C6orf163: variants seen among roughly 807,000 people sequenced by gnomAD.
C6orf163 encodes chromosome 6 open reading frame 163, also known as uncharacterized protein C6orf163.
In C6orf163, 22 loss-of-function variants were observed where a neutral mutation model predicts 28.4. The observed-to-expected ratio is 0.78, with a 90% CI of 0.55 to 1.11. C6orf163 has a LOEUF of 1.11. Among genes scored for constraint, C6orf163 ranks in the 50% least tolerant of loss-of-function variants. The probability of loss-of-function intolerance (pLI) is 0.00; values close to 1 mark genes in which losing one functional copy is unlikely to be tolerated. For synonymous variants in C6orf163, 110 were observed against 123.6 expected, an observed-to-expected ratio of 0.89 and a Z score of 0.73; for missense variants, 342 against 389.1, an observed-to-expected ratio of 0.88 and a Z score of 1.02.
Position 87,365,238 on chromosome 6 carries a change from C to G in C6orf163, c.832C>G (p.Leu278Val). ...AATCATGACAAATTGGAAAGATTTC[C>G]TAGAGGAGGAATTACAGGAAACCAG... The part of the protein sequence containing the change: ...LGIMTNWKDF[L>V]EEELQETRMA... The change falls in exon 5 of 5, where the codon CTA (leucine) becomes GTA (valine). Residue 278 changes from leucine to valine, a missense_variant. By Grantham distance (32) the Leu-to-Val change is conservative. Coordinates refer to ENST00000388923, the MANE Select transcript of C6orf163 (RefSeq NM_001010868.3). 6.4e-7 allele frequency: 1 copy of G among 1,551,548 alleles called. No individual in the cohort carries two copies. Among genetic ancestry groups the G allele is most frequent in the Non-Finnish European group, 8.7e-7 (1 of 1,146,904 alleles).
intron 3 of C6orf163, among the ~76,000 whole-genome samples, chr6:87,351,233 G>A (rs71572751): frequency 4.5e-4 from 69 of 152,356 alleles, no homozygotes; most frequent in Non-Finnish European, 6.6e-4. Context: ...TTTTGGTCAA[G>A]GGAGGGACAG....
intron 4 of C6orf163, among the ~76,000 whole-genome samples, chr6:87,361,830 A>G (rs1777584536): frequency 1.3e-5 from 2 of 152,046 alleles, no homozygotes; most frequent in Non-Finnish European, 2.9e-5. Flanking sequence ...TGACTTTTTA[A>G]TATTTCCTAG....
At chr6:87,347,738 C>T in intron 1 of C6orf163, 1 of 985,520 alleles carries the variant, frequency 1.0e-6, no homozygotes, top group South Asian at 4.7e-5. Context: ...TCAATCTGTC[C>T]ATGCTTACCC....
chr6:87,345,243 A>G lies in C6orf163; in HGVS notation c.144A>G (p.Ile48Met), dbSNP rs941394435. 2 of 1,520,120 alleles carry G rather than the reference A, an allele frequency of 1.3e-6. No individual in the cohort carries two copies. The highest frequency in any genetic ancestry group is 1.8e-6 in the Non-Finnish European group (2 of 1,142,322). The allele number at this position is 1,520,120 out of a possible 1,614,324, so 94.2% of individuals were successfully genotyped here. A position where few individuals can be genotyped will look rare whatever the true frequency, so the allele number is the denominator to read the frequency against. ...LKTRFYTHKD[I>M]LDIGANILKK... ...CACGCTTTTACACTCACAAAGACATACTAGGTAAGTGACTTTATCGTTTTC... is the reference window on the plus strand; with the variant it reads ...CACGCTTTTACACTCACAAAGACATGCTAGGTAAGTGACTTTATCGTTTTC... The change falls in exon 1 of 5, where the codon ATA becomes ATG. Residue 48 changes from isoleucine to methionine, a missense_variant. Physicochemically the swap from Ile to Met is conservative, Grantham distance 10. Transcript: ENST00000388923.
chr6:87,348,526 A>G, intron 1 of C6orf163: 5 of 1,147,164 alleles, frequency 4.4e-6, no homozygotes, highest in Non-Finnish European at 4.3e-6. Flanking sequence ...TGTACAAAAT[A>G]TGTCCCTTTC....
intron 1 of C6orf163, among the ~76,000 whole-genome samples, chr6:87,345,629 A>G (rs1168180560): frequency 6.6e-6 from 1 of 152,114 alleles, no homozygotes; most frequent in Admixed American, 6.6e-5. Flanking sequence ...TCTCTAAATA[A>G]CACCCTAATT....
In C6orf163 at chr6:87,365,325, T is replaced by C. The variant is rs1291779107; in HGVS notation, c.919T>C (p.Phe307Leu). The change falls in exon 5 of 5, where the codon TTT becomes CTT. Residue 307 changes from phenylalanine (F) to leucine (L), a missense_variant. Coordinates refer to ENST00000388923, the MANE Select transcript of C6orf163 (RefSeq NM_001010868.3). ...TAAGCTTTCACCAGGACATGCAGAT[T>C]TTATTCTGCCAGAAAGAAAGAAAAC... Reference protein sequence around the residue: ...FPKLSPGHADFILPERKKTPS... With the variant: ...FPKLSPGHADLILPERKKTPS... 3.9e-6 allele frequency: 6 copies of C among 1,551,546 alleles called. No individual in the cohort carries two copies. In the South Asian group the frequency reaches 7.1e-5, roughly 18 times the overall value.
chr6:87,363,783 T>C (rs1777610986), intron 4 of C6orf163, among the ~76,000 whole-genome samples: 1 of 152,168 alleles, frequency 6.6e-6, no homozygotes, highest in South Asian at 2.1e-4. Context: ...TCTTTGCTAT[T>C]GTGAATAGTG....
At chr6:87,358,028 A>T (rs1777531580) in intron 4 of C6orf163, 1 of 152,216 alleles carries the variant, frequency 6.6e-6, no homozygotes, top group East Asian at 1.9e-4. Flanking sequence ...AATTTCTTCC[A>T]ATTAGTCGAA....
At position 87,365,176 on chromosome 6, in the gene C6orf163, C is replaced by A; in HGVS notation, c.770C>A (p.Thr257Asn). The change falls in exon 5 of 5, where the codon ACC becomes AAC. Residue 257 changes from threonine (T) to asparagine (N), a missense_variant. Coordinates refer to ENST00000388923, the MANE Select transcript of C6orf163 (RefSeq NM_001010868.3). ...LGNMMDKLAN[T>N]QGELLSIAKQ... is the part of the protein sequence containing the mutation. ...AATATGATGGATAAACTGGCTAACACCCAGGGGGAGCTGCTGTCTATAGCA... is the reference window on the plus strand; with the variant it reads ...AATATGATGGATAAACTGGCTAACAACCAGGGGGAGCTGCTGTCTATAGCA... 1.9e-6 allele frequency: 3 copies of A among 1,551,790 alleles called. No homozygotes were observed. Among genetic ancestry groups the A allele is most frequent in the Non-Finnish European group, 2.6e-6 (3 of 1,147,010 alleles).
chr6:87,353,443 TAAAA>T (rs772804881), intron 3 of C6orf163, among the ~76,000 whole-genome samples: 2 of 143,124 alleles, frequency 1.4e-5, no homozygotes, highest in African/African-American at 2.6e-5. Flanking sequence ...AATTGAAAAT[TAAAA>T]AAAAAAAACA....
At chr6:87,347,716 G>A in intron 1 of C6orf163, 1 of 985,428 alleles carries the variant, frequency 1.0e-6, no homozygotes, top group Non-Finnish European at 1.2e-6. Context: ...GGGAAATCTG[G>A]CATCAAGGCT....
At chr6:87,349,569 G>A (rs536338798) in intron 2 of C6orf163, among the ~76,000 whole-genome samples, 51 of 152,130 alleles carry the variant, frequency 3.4e-4, no homozygotes, top group East Asian at 9.6e-4. Flanking sequence ...ATAACTTCCC[G>A]TAAAAGAATT....
At position 87,356,299 on chromosome 6, in the gene C6orf163, AG is replaced by A; in HGVS notation, c.352del. ...CTAAACCTAGTTTTGCCATTGCTTC[AG>A]GAAGTGACAGCTAAAACTAAGACAG... On this transcript the variant is annotated splice_acceptor_variant, in intron 3 of 4. Transcript: ENST00000388923. LOFTEE classifies it high-confidence loss of function. 6.4e-7 allele frequency: 1 copy of A among 1,551,578 alleles called. No individual in the cohort carries two copies. Among genetic ancestry groups the A allele is most frequent in the Non-Finnish European group, 8.7e-7 (1 of 1,146,842 alleles).
rs767404600 is a variant in C6orf163 at position 87,356,493 on chromosome 6, G to T, written c.544G>T (p.Ala182Ser). ...ACACATCGCCCAGGAAGCAATCCAGGCCCAGAAAAGGTATTCCAGAGAACT... is the reference window on the plus strand; with the variant it reads ...ACACATCGCCCAGGAAGCAATCCAGTCCCAGAAAAGGTATTCCAGAGAACT... Reference protein sequence around the residue: ...ERHIAQEAIQAQKSKAVEEIV... With the variant: ...ERHIAQEAIQSQKSKAVEEIV... Residue 182 changes from alanine to serine, a missense_variant, in exon 4 of 5, where the codon GCC (alanine) becomes TCC (serine). Transcript: ENST00000388923. 5 of 1,551,472 alleles carry T rather than the reference G, an allele frequency of 3.2e-6. No individual in the cohort carries two copies. The highest frequency in any genetic ancestry group is 3.5e-6 in the Non-Finnish European group (4 of 1,146,908).
At chr6:87,346,910 C>A (rs980889085) in intron 1 of C6orf163, among the ~76,000 whole-genome samples, 2 of 152,178 alleles carry the variant, frequency 1.3e-5, no homozygotes, top group East Asian at 1.9e-4. Flanking sequence ...CCATTGATAT[C>A]TTACATAATC....
chr6:87,355,452 A>G (rs893066179), intron 3 of C6orf163, among the ~76,000 whole-genome samples: 5 of 151,958 alleles, frequency 3.3e-5, no homozygotes, highest in African/African-American at 1.2e-4. Context: ...TCTCAGCTAC[A>G]TGGGAGGCTG....
chr6:87,349,341 T>A (rs548028219), intron 2 of C6orf163, among the ~76,000 whole-genome samples: 19 of 152,344 alleles, frequency 1.2e-4, no homozygotes, highest in Non-Finnish European at 2.5e-4. Flanking sequence ...ACCATCCATT[T>A]GTGGAGCATG....
intron 4 of C6orf163, among the ~76,000 whole-genome samples, chr6:87,361,203 T>G (rs938279298): frequency 1.3e-5 from 2 of 152,044 alleles, no homozygotes; most frequent in Non-Finnish European, 2.9e-5. Flanking sequence ...GAGGATTGCT[T>G]GAGCCCAGGA....
Sources: gnomAD v4.1 joint callset for allele counts (sites outside exome capture counted in the v4.1 genomes callset) on GRCh38, gnomAD v4.1.1 for gene constraint, MANE v1.5 for transcripts, NCBI Gene and HGNC (gene_info 2026-07-23, HGNC 2026-07-21) for gene names.